DCAF5: variants seen among roughly 807,000 people sequenced by gnomAD.
DCAF5 encodes the protein DDB1 and CUL4 associated factor 5.
Under a neutral mutation model 80.7 loss-of-function variants are expected in DCAF5, and 9 were observed. The ratio of observed to expected loss-of-function variants is 0.11; its 90% CI spans 0.07 to 0.19. The LOEUF (loss-of-function observed/expected upper bound fraction) is 0.19, where lower values mean the gene tolerates loss of function less well. Among genes scored for constraint, DCAF5 ranks in the 10% least tolerant of loss-of-function variants. The pLI is 1.00. For missense variants in DCAF5, 842 were observed against 1,205.7 expected, an observed-to-expected ratio of 0.70 and a Z score of 4.47; for synonymous variants, 433 against 461.9, an observed-to-expected ratio of 0.94 and a Z score of 0.80.
intron 7 of DCAF5, among the ~76,000 whole-genome samples, chr14:69,065,199 G>C (rs2038388804): frequency 1.4e-5 from 2 of 145,188 alleles, no homozygotes; most frequent in African/African-American, 5.1e-5. Context: ...CCAGGTTCAA[G>C]CAATTCTCTG....
intron 5 of DCAF5, 79 bp from the exon 6 acceptor site, chr14:69,091,966 T>A (rs988252285): frequency 8.4e-7 from 1 of 1,191,138 alleles, no homozygotes; most frequent in African/African-American, 1.5e-5. Context: ...GCCTATGACC[T>A]CCTGTCAAGC....
At chr14:69,091,117 G>A in intron 6 of DCAF5, 2 of 756,716 alleles carry the variant, frequency 2.6e-6, no homozygotes, top group Non-Finnish European at 4.8e-6. Context: ...AGAAAAGGCT[G>A]GAAACTCACA....
rs1296650342 is a variant in DCAF5, at chr14:69,051,806, C to G, written c.*2051G>C. 1.3e-5 allele frequency: 2 copies of G among 152,612 alleles called. No individual in the cohort carries two copies. The highest frequency in any genetic ancestry group is 2.9e-5 in the Non-Finnish European group (2 of 68,040). 9.5% of individuals were successfully genotyped at this position (152,612 alleles called of 1,614,324 possible). A position where few individuals can be genotyped will look rare whatever the true frequency, so the allele number is the denominator to read the frequency against. ...AAATAGAATAGAATAAAATAAAGGA[C>G]TGGGTGTGCTGACTAAGAAGGGGAA... On this transcript the variant is annotated 3_prime_UTR_variant, in exon 9 of 9. Transcript: ENST00000341516.
intron 1 of DCAF5, among the ~76,000 whole-genome samples, chr14:69,126,726 A>C (rs2040886479): frequency 6.6e-6 from 1 of 152,210 alleles, no homozygotes; most frequent in Non-Finnish European, 1.5e-5. Flanking sequence ...TCAATGGAAC[A>C]AAACAGAGGG....
At chr14:69,150,070 G>A (rs1460984735) in intron 1 of DCAF5, among the ~76,000 whole-genome samples, 2 of 152,282 alleles carry the variant, frequency 1.3e-5, no homozygotes, top group Non-Finnish European at 2.9e-5. Context: ...CATAATGGAA[G>A]GTAAATAGCT....
chr14:69,054,370 C>T lies in DCAF5; in HGVS notation c.2316G>A (p.Glu772=). The T allele has an allele frequency of 1.2e-6, 2 of 1,614,132 alleles. No individual in the cohort carries two copies. Among genetic ancestry groups the T allele is most frequent in the Non-Finnish European group, 1.7e-6 (2 of 1,180,026 alleles). ...SQDTGNSGSV[E]HPFETKKLNG... Reference sequence around the variant, plus strand: ...TGAGCTTCTTGGTTTCAAAAGGGTGCTCTACAGAGCCGCTATTGCCAGTGT... The same window carrying T: ...TGAGCTTCTTGGTTTCAAAAGGGTGTTCTACAGAGCCGCTATTGCCAGTGT... Residue 772 remains glutamate (E), a synonymous_variant, in exon 9 of 9, where the codon GAG becomes GAA. Coordinates refer to ENST00000341516, the MANE Select transcript of DCAF5 (RefSeq NM_003861.3).
At chr14:69,122,118 C>T (rs1595037299) in intron 2 of DCAF5, 99 bp downstream of exon 2, 1 of 1,413,396 alleles carries the variant, frequency 7.1e-7, no homozygotes, top group East Asian at 2.3e-5. Context: ...TTCCACAGCT[C>T]AATGAAATAC....
intron 5 of DCAF5, among the ~76,000 whole-genome samples, chr14:69,099,100 A>G (rs977188598): frequency 6.6e-6 from 1 of 151,716 alleles, no homozygotes; most frequent in Non-Finnish European, 1.5e-5. Flanking sequence ...AAAATTTAAA[A>G]AATTAGCTGG....
chr14:69,086,765 C>T (rs960320084), intron 6 of DCAF5, among the ~76,000 whole-genome samples: 1 of 152,106 alleles, frequency 6.6e-6, no homozygotes, highest in Non-Finnish European at 1.5e-5. Flanking sequence ...CTGAGGGAGG[C>T]CATTTATCCA....
chr14:69,062,511 C>T lies in DCAF5; in HGVS notation c.947G>A (p.Gly316Asp). 6.2e-7 allele frequency: 1 copy of T among 1,610,162 alleles called. No homozygotes were observed. The highest frequency in any genetic ancestry group is 2.2e-5 in the East Asian group (1 of 44,840). The change falls in exon 8 of 9, where the codon GGT (glycine) becomes GAT (aspartate). Residue 316 changes from glycine (G) to aspartate (D), a missense_variant and splice_region_variant. Around this residue, in one of 5 missense-constraint regions of DCAF5, gnomAD observed 65 missense variants for 191.3 expected, o/e 0.34. Transcript: ENST00000341516. ...MWRIPADPEA[G>D]GIGRVVNGAF... ...TCCGTTGACCACCCTACCAATGCCA[C>T]CTGGGAAAACAGAAGGAAACAAAAA... is the stretch of plus-strand genomic sequence containing the variant.
chr14:69,112,671 C>T (rs947906635), intron 5 of DCAF5, among the ~76,000 whole-genome samples: 1 of 151,182 alleles, frequency 6.6e-6, no homozygotes, highest in Non-Finnish European at 1.5e-5. Context: ...CCTTGATTTT[C>T]TTAAAATAAG....
At chr14:69,093,671 C>T (rs1045067521) in intron 5 of DCAF5, among the ~76,000 whole-genome samples, 9 of 152,178 alleles carry the variant, frequency 5.9e-5, no homozygotes, top group Admixed American at 5.9e-4. Flanking sequence ...AACACCAGCC[C>T]CAGTCAGTCC....
intron 5 of DCAF5, among the ~76,000 whole-genome samples, chr14:69,096,353 T>A (rs1174740133): frequency 6.6e-6 from 1 of 152,226 alleles, no homozygotes; most frequent in African/African-American, 2.4e-5. Context: ...TGAACACATT[T>A]ATTTTCCCCA....
At chr14:69,070,801 T>G (rs918977151) in intron 7 of DCAF5, among the ~76,000 whole-genome samples, 29 of 152,044 alleles carry the variant, frequency 1.9e-4, no homozygotes, top group East Asian at 5.8e-4. Flanking sequence ...TTTTTTTTTT[T>G]TTGTTTTTCT....
chr14:69,065,083 T>C (rs1353161027), intron 7 of DCAF5, among the ~76,000 whole-genome samples: 2 of 148,208 alleles, frequency 1.3e-5, no homozygotes, highest in Admixed American at 7.0e-5. Flanking sequence ...TGCACTTTCA[T>C]GCAATATGAC....
At chr14:69,093,859 T>C (rs975319685) in intron 5 of DCAF5, among the ~76,000 whole-genome samples, 3 of 152,196 alleles carry the variant, frequency 2.0e-5, no homozygotes, top group African/African-American at 7.2e-5. Flanking sequence ...GGGCCTGGTA[T>C]CCCTGCAGGC....
intron 1 of DCAF5, among the ~76,000 whole-genome samples, chr14:69,148,254 G>A (rs375668316): frequency 6.3e-4 from 96 of 152,198 alleles, no homozygotes; most frequent in African/African-American, 2.1e-3. Flanking sequence ...CTAAATATGC[G>A]TACTACTGTA....
chr14:69,117,777 A>G (rs1471343864), intron 4 of DCAF5, among the ~76,000 whole-genome samples: 1 of 152,214 alleles, frequency 6.6e-6, no homozygotes. Context: ...TTTCAACAAA[A>G]TAACAAGCCT....
chr14:69,130,199 G>C (rs1239655185), intron 1 of DCAF5, among the ~76,000 whole-genome samples: 1 of 152,180 alleles, frequency 6.6e-6, no homozygotes, highest in African/African-American at 2.4e-5. Context: ...GCCAAGCACA[G>C]GACTGAGAAA....
Sources: gnomAD v4.1 joint callset for allele counts (sites outside exome capture counted in the v4.1 genomes callset) on GRCh38, gnomAD v4.1.1 for gene constraint, gnomAD v4.1.1 regional missense constraint, MANE v1.5 for transcripts, NCBI Gene and HGNC (gene_info 2026-07-23, HGNC 2026-07-21) for gene names.